Variants in GABRB1 observed in about 807,000 individuals in gnomAD.
GABRB1 encodes the protein gamma-aminobutyric acid type A receptor subunit beta1.
In GABRB1, 17 loss-of-function variants were observed where a neutral mutation model predicts 51.6. That is an observed-to-expected ratio of 0.33 (90% CI 0.23 to 0.49). The LOEUF is 0.49. Among genes scored for constraint, GABRB1 ranks in the 20% least tolerant of loss-of-function variants. The pLI is 0.99. For synonymous variants in GABRB1, 247 were observed against 218.9 expected (o/e 1.13, Z -1.14); for missense variants, 410 against 600.6 (o/e 0.68, Z 3.32).
At position 47,123,419 on chromosome 4, in the gene GABRB1, T is replaced by C. The variant is rs1177083970; in HGVS notation, c.241-37830T>C. Among the ~76,000 whole-genome samples, 14 of 118,398 alleles carry C rather than the reference T, an allele frequency of 1.2e-4. No individual in the cohort carries two copies. The Admixed American group carries it at 1.5e-3, about 13-fold the overall frequency. The allele number at this position is 118,398 out of a possible 152,430, so 77.7% of individuals were successfully genotyped here. A position where few individuals can be genotyped will look rare whatever the true frequency, so the allele number is the denominator to read the frequency against. On this transcript the variant is annotated intron_variant, in intron 3 of 8. Transcript: ENST00000295454. The stretch of plus-strand genomic sequence containing the variant: ...TTACATATATACATATATACACATA[T>C]ATATTATATATTATAATATATTATT...
intron 4 of GABRB1, among the ~76,000 whole-genome samples, chr4:47,276,155 T>G (rs939393005): frequency 2.0e-5 from 3 of 152,160 alleles, no homozygotes; most frequent in Non-Finnish European, 2.9e-5. Context: ...AAATGTATGT[T>G]TTTCTTCTCA....
rs182573427 is a variant in GABRB1 at position 47,225,322 on chromosome 4, C to A, written c.461+63853C>A. 3.3e-3 allele frequency among the ~76,000 whole-genome samples: 498 copies of A among 152,158 alleles called. 3 individuals carry two copies. Among genetic ancestry groups the A allele is most frequent in the African/African-American group, 0.012 (486 of 41,520 alleles). On this transcript the variant is annotated intron_variant, in intron 4 of 8. Transcript: ENST00000295454. ...GAGGATATGCATTTGGTGGAGGGGG[C>A]AGGGAGTGTAAAGATTTCATTTATA...
chr4:47,252,159 C>T (rs1364565172), intron 4 of GABRB1, among the ~76,000 whole-genome samples: 8 of 147,252 alleles, frequency 5.4e-5, no homozygotes, highest in Non-Finnish European at 1.2e-4. Context: ...CAGGAATGGC[C>T]TGCCTGGAGA....
intron 3 of GABRB1, among the ~76,000 whole-genome samples, chr4:47,037,300 T>C (rs965542793): frequency 2.0e-5 from 3 of 152,222 alleles, no homozygotes; most frequent in African/African-American, 7.2e-5. Flanking sequence ...TGTCAGTAAG[T>C]TCTCTGAGGT....
intron 5 of GABRB1, among the ~76,000 whole-genome samples, chr4:47,392,849 T>C (rs555016730): frequency 2.0e-5 from 3 of 152,128 alleles, no homozygotes; most frequent in Non-Finnish European, 4.4e-5. Flanking sequence ...CTGGAGCAAA[T>C]AGTTCTTCCC....
intron 3 of GABRB1, among the ~76,000 whole-genome samples, chr4:47,052,046 C>T (rs921913995): frequency 1.3e-5 from 2 of 152,118 alleles, no homozygotes; most frequent in Non-Finnish European, 2.9e-5. Flanking sequence ...GTAGAATCTG[C>T]TTGAACCCAG....
intron 3 of GABRB1, among the ~76,000 whole-genome samples, chr4:47,036,780 T>A (rs1725589485): frequency 6.6e-6 from 1 of 151,974 alleles, no homozygotes. Context: ...GAGAATCACT[T>A]GAACCCAGGA....
intron 4 of GABRB1, among the ~76,000 whole-genome samples, chr4:47,165,543 G>T (rs144111089): frequency 2.6e-5 from 4 of 152,212 alleles, no homozygotes; most frequent in African/African-American, 7.2e-5. Flanking sequence ...TAAGAGTAAT[G>T]ACTGACTCTG....
At chr4:47,280,814 A>ATTTT (rs750413197) in intron 4 of GABRB1, among the ~76,000 whole-genome samples, 3 of 124,952 alleles carry the variant, frequency 2.4e-5, no homozygotes, top group African/African-American at 3.1e-5. Context: ...TGTCTGGCTA[A>ATTTT]TTTTTTTTTT....
chr4:47,101,009 C>A (rs1023101052), intron 3 of GABRB1, among the ~76,000 whole-genome samples: 2 of 151,820 alleles, frequency 1.3e-5, no homozygotes, highest in Admixed American at 6.6e-5. Flanking sequence ...AAGTGAGGCT[C>A]GAAGGTTAGG....
chr4:47,400,964 T>A (rs2110048657), intron 5 of GABRB1, among the ~76,000 whole-genome samples: 1 of 145,976 alleles, frequency 6.9e-6, no homozygotes, highest in Non-Finnish European at 1.5e-5. Context: ...AGTCTCGCTG[T>A]GTCACCCAGG....
chr4:47,058,282 T>C (rs1240091270), intron 3 of GABRB1, among the ~76,000 whole-genome samples: 1 of 152,216 alleles, frequency 6.6e-6, no homozygotes, highest in Non-Finnish European at 1.5e-5. Context: ...AGAGGCAGGT[T>C]CATTGAACAA....
chr4:47,372,203 C>T (rs148409411), intron 5 of GABRB1, among the ~76,000 whole-genome samples: 352 of 152,274 alleles, frequency 2.3e-3, no homozygotes, highest in African/African-American at 8.2e-3. Flanking sequence ...AATCCTTTCC[C>T]CATTGCTTGT....
At chr4:47,188,758 CT>C (rs1719300523) in intron 4 of GABRB1, among the ~76,000 whole-genome samples, 1 of 151,944 alleles carries the variant, frequency 6.6e-6, no homozygotes, top group South Asian at 2.1e-4. Context: ...TTAAAGATCA[CT>C]GATAGTATCC....
chr4:47,258,434 T>G (rs573984520), intron 4 of GABRB1, among the ~76,000 whole-genome samples: 215 of 152,280 alleles, frequency 1.4e-3, no homozygotes, highest in African/African-American at 5.0e-3. Flanking sequence ...TCCCATCAAA[T>G]TCTATGGAGT....
intron 8 of GABRB1, among the ~76,000 whole-genome samples, chr4:47,409,484 A>C (rs917636426): frequency 6.6e-6 from 1 of 152,168 alleles, no homozygotes; most frequent in African/African-American, 2.4e-5. Flanking sequence ...CTCGACATTC[A>C]GACACTCCTT....
At chr4:47,136,590 T>C (rs992010216) in intron 3 of GABRB1, among the ~76,000 whole-genome samples, 1 of 152,034 alleles carries the variant, frequency 6.6e-6, no homozygotes, top group African/African-American at 2.4e-5. Flanking sequence ...AGGAGGACCA[T>C]AGTAGTTTAG....
intron 3 of GABRB1, 55 bp from the exon 4 acceptor site, chr4:47,161,194 T>C: frequency 1.7e-6 from 2 of 1,164,090 alleles, no homozygotes; most frequent in Non-Finnish European, 2.5e-6. Context: ...TATTAAACCT[T>C]AGATGATAAT....
chr4:47,266,694 A>T (rs893207445), intron 4 of GABRB1, among the ~76,000 whole-genome samples: 3 of 152,182 alleles, frequency 2.0e-5, no homozygotes, highest in African/African-American at 4.8e-5. Context: ...TTTGTGGCTT[A>T]ATATATGATC....
Sources: allele counts gnomAD v4.1 joint callset (sites outside exome capture counted in the v4.1 genomes callset), GRCh38; gene constraint gnomAD v4.1.1; transcripts MANE v1.5; gene names NCBI Gene and HGNC (gene_info 2026-07-23, HGNC 2026-07-21).